The following PDCL3 variants were observed in gnomAD, a reference collection of about 807,000 sequenced individuals.
PDCL3 encodes phosducin like 3, also known as phosducin-like protein 3.
A neutral mutation model predicts 26.5 loss-of-function variants in PDCL3; 22 were observed. That is an observed-to-expected ratio of 0.83 (90% CI 0.59 to 1.19). The LOEUF (loss-of-function observed/expected upper bound fraction) is 1.19. PDCL3 is among the 50% of genes most tolerant of loss of function. The pLI is 0.00. For missense variants in PDCL3, 246 were observed against 294.1 expected (o/e 0.84, Z 1.20); for synonymous variants, 81 against 104.9 (o/e 0.77, Z 1.39).
At chr2:100,563,196 GGCGCGTCCAGGCCCT>G in intron 1 of PDCL3, 123 bp downstream of exon 1, 1 of 1,248,898 alleles carries the variant, frequency 8.0e-7, no homozygotes, top group Middle Eastern at 2.8e-4. Flanking sequence ...AGGGAGGCCC[GGCGCGTCCAGGCCCT>G]GCGCAGGCGC....
At chr2:100,566,354 A>G (rs1432368302) in intron 1 of PDCL3, 149 bp from the exon 2 acceptor site, 8 of 1,056,078 alleles carry the variant, frequency 7.6e-6, no homozygotes, top group Non-Finnish European at 8.2e-6. Context: ...AACGGGGGCT[A>G]TGGATCTTTT....
chr2:100,570,848 AC>A (rs1318604177), intron 4 of PDCL3, among the ~76,000 whole-genome samples: 2 of 152,012 alleles, frequency 1.3e-5, no homozygotes, highest in Non-Finnish European at 2.9e-5. Context: ...TTCTCATTCA[AC>A]CTTATAAGAA....
At chr2:100,570,474 C>CTTTTTTT (rs762190373) in intron 4 of PDCL3, among the ~76,000 whole-genome samples, 42 of 125,282 alleles carry the variant, frequency 3.4e-4, no homozygotes, top group Middle Eastern at 4.3e-3. Flanking sequence ...TTAGGAATTT[C>CTTTTTTT]TTTTTTTTTT....
In PDCL3 at chr2:100,572,041, TTGG is replaced by T. The variant is rs1410694748; in HGVS notation, c.577+246_577+248del. On this transcript the variant is annotated intron_variant, in intron 5 of 5. Transcript: ENST00000264254. The stretch of plus-strand genomic sequence containing the variant: ...GACTTAAATATAAACATTTTTTATA[TTGG>T]TGTGGAATATATTTTGTCTCTACAG... The T allele has an allele frequency of 1.0e-5, 5 of 494,990 alleles. No homozygotes were observed. In the Admixed American group the frequency reaches 1.1e-4, roughly 11 times the overall value. 30.7% of individuals were successfully genotyped at this position (494,990 alleles called of 1,614,324 possible). A position where few individuals can be genotyped will look rare whatever the true frequency, so the allele number is the denominator to read the frequency against.
chr2:100,570,461 T>C (rs183844299), intron 4 of PDCL3, among the ~76,000 whole-genome samples: 189 of 149,316 alleles, frequency 1.3e-3, no homozygotes, highest in Admixed American at 2.2e-3. Flanking sequence ...GTCCAGTGCT[T>C]ATTTAGGAAT....
intron 3 of PDCL3, 61 bp downstream of exon 3, chr2:100,569,082 T>C: frequency 1.4e-6 from 2 of 1,468,388 alleles, no homozygotes; most frequent in South Asian, 2.4e-5. Flanking sequence ...TTTTGGTTTT[T>C]TTTTTGGCGT....
At chr2:100,573,292 C>CT (rs1482839322) in intron 5 of PDCL3, among the ~76,000 whole-genome samples, 1 of 152,154 alleles carries the variant, frequency 6.6e-6, no homozygotes, top group Non-Finnish European at 1.5e-5. Flanking sequence ...AAGTGAAACT[C>CT]TTTATCTCTT....
intron 1 of PDCL3, among the ~76,000 whole-genome samples, chr2:100,565,457 G>GT (rs1675044645): frequency 6.6e-6 from 1 of 151,636 alleles, no homozygotes. Context: ...TGTGTTTTTA[G>GT]TAAAGACGGG....
Position 100,563,020 on chromosome 2 carries a change from C to T in PDCL3, c.-48C>T. The T allele has an allele frequency of 6.3e-7, 1 of 1,582,368 alleles. No homozygotes were observed. The highest frequency in any genetic ancestry group is 8.6e-7 in the Non-Finnish European group (1 of 1,164,954). ...GCGTGCACAAAAGAGAGCTGAGGGG[C>T]GGGGGCGCTGCGGCACAGCTGGTTT... On this transcript the variant is annotated 5_prime_UTR_variant, in exon 1 of 6. Coordinates refer to ENST00000264254, the MANE Select transcript of PDCL3 (RefSeq NM_024065.5).
intron 5 of PDCL3, among the ~76,000 whole-genome samples, chr2:100,572,450 G>T (rs1459435527): frequency 6.6e-6 from 1 of 152,102 alleles, no homozygotes; most frequent in African/African-American, 2.4e-5. Flanking sequence ...GGCCTCAAGT[G>T]ATCTACCCAC....
intron 1 of PDCL3, among the ~76,000 whole-genome samples, chr2:100,563,900 C>T (rs1675006201): frequency 6.8e-6 from 1 of 146,122 alleles, no homozygotes; most frequent in East Asian, 2.2e-4. Context: ...GCGTGTCTGC[C>T]AGGAGCCAGA....
intron 5 of PDCL3, among the ~76,000 whole-genome samples, chr2:100,575,054 C>A (rs1479619914): frequency 1.3e-5 from 2 of 152,150 alleles, no homozygotes; most frequent in Admixed American, 1.3e-4. Flanking sequence ...TATGATTGCA[C>A]CCATAGCACT....
At chr2:100,566,312 T>C (rs1675058390) in intron 1 of PDCL3, among the ~76,000 whole-genome samples, 191 bp from the exon 2 acceptor site, 1 of 152,122 alleles carries the variant, frequency 6.6e-6, no homozygotes, top group Non-Finnish European at 1.5e-5. Context: ...GAATAGCTCC[T>C]CCATTCAGGG....
At chr2:100,564,448 C>T (rs1191037769) in intron 1 of PDCL3, among the ~76,000 whole-genome samples, 1 of 152,168 alleles carries the variant, frequency 6.6e-6, no homozygotes, top group Non-Finnish European at 1.5e-5. Context: ...AGGCGCCCGT[C>T]ACCACTCCCG....
Position 100,571,680 on chromosome 2 carries a change from C to T in PDCL3, c.459C>T (p.Thr153=), listed in dbSNP as rs1390734098. 5.6e-6 allele frequency: 9 copies of T among 1,613,668 alleles called. No homozygotes were observed. The East Asian group carries it at 6.7e-5, about 12-fold the overall frequency. Reference sequence around the variant, plus strand: ...AATTTATCAAAGCCATTTCAACAACCTGCATACCCAATTATCCTGATAGGA... The same window carrying T: ...AATTTATCAAAGCCATTTCAACAACTTGCATACCCAATTATCCTGATAGGA... The part of the protein sequence containing the change: ...DVKFIKAIST[T]CIPNYPDRNL... The change falls in exon 5 of 6, where the codon ACC becomes ACT. Residue 153 remains threonine (T), a synonymous_variant. Coordinates refer to ENST00000264254, the MANE Select transcript of PDCL3 (RefSeq NM_024065.5).
Position 100,576,609 on chromosome 2 carries a change from T to C in PDCL3, c.*113T>C. On this transcript the variant is annotated 3_prime_UTR_variant, in exon 6 of 6. Transcript: ENST00000264254. ...GGTTTTTAGTTTTGTATAAATTATG[T>C]TTCAAATCTTTACATTTTGGAAATA... The C allele has an allele frequency of 3.6e-6, 4 of 1,098,528 alleles. No homozygotes were observed. Among genetic ancestry groups the C allele is most frequent in the Non-Finnish European group, 4.7e-6 (4 of 845,118 alleles). The allele number at this position is 1,098,528 out of a possible 1,614,324, so 68.0% of individuals were successfully genotyped here.
In PDCL3 at chr2:100,576,496, A is replaced by G; in HGVS notation, c.720A>G (p.Ter240TrpextTer32). The G allele has an allele frequency of 6.3e-7, 1 of 1,594,530 alleles. No individual in the cohort carries two copies. Among genetic ancestry groups the G allele is most frequent in the Non-Finnish European group, 8.5e-7 (1 of 1,170,616 alleles). Residue 240 changes from the stop codon to tryptophan, a stop_lost, in exon 6 of 6, where the codon TGA (stop) becomes TGG (tryptophan). Coordinates refer to ENST00000264254, the MANE Select transcript of PDCL3 (RefSeq NM_024065.5). ...GGGACAGCGATTCCGAGGGTGACTG[A>G]GGCTACAGCTTCTATCACATGCCGA... ...MKRDSDSEGD[*>W]
At chr2:100,563,103 G>T in intron 1 of PDCL3, 30 bp downstream of exon 1, 8 of 1,593,508 alleles carry the variant, frequency 5.0e-6, no homozygotes, top group South Asian at 1.1e-5. Flanking sequence ...GGGTCTGGGG[G>T]CTGCGGCCCG....
At chr2:100,571,531 C>T in intron 4 of PDCL3, 59 bp from the exon 5 acceptor site, 1 of 1,506,544 alleles carries the variant, frequency 6.6e-7, no homozygotes, top group Non-Finnish European at 9.1e-7. Flanking sequence ...GGTCATTGAG[C>T]TTTGTTCTGT....
Sources: gnomAD v4.1 joint callset for allele counts (sites outside exome capture counted in the v4.1 genomes callset) on GRCh38, gnomAD v4.1.1 for gene constraint, MANE v1.5 for transcripts, NCBI Gene and HGNC (gene_info 2026-07-23, HGNC 2026-07-21) for gene names.